TUBGCP5: variants seen among roughly 807,000 people sequenced by gnomAD.
TUBGCP5 encodes tubulin gamma complex component 5, also known as gamma-tubulin complex component 5.
TUBGCP5 carries 98 observed loss-of-function variants against 134.7 expected under a neutral mutation model. The observed-to-expected ratio is 0.73, with a 90% CI of 0.62 to 0.86. TUBGCP5 has a LOEUF of 0.86. Ranked by LOEUF, TUBGCP5 falls within the 40% of genes least tolerant of loss-of-function variation. The pLI is 0.00. For missense variants in TUBGCP5, 1,150 were observed against 1,244.8 expected, an observed-to-expected ratio of 0.92 and a Z score of 1.15; for synonymous variants, 456 against 431.4, an observed-to-expected ratio of 1.06 and a Z score of -0.71.
intron 22 of TUBGCP5, among the ~76,000 whole-genome samples, chr15:23,000,098 A>G (rs965906951): frequency 1.3e-5 from 2 of 151,994 alleles, no homozygotes; most frequent in Admixed American, 6.6e-5. Flanking sequence ...TTTAGCAGAG[A>G]CAGGGTTTTG....
intron 1 of TUBGCP5, 45 bp from the exon 2 acceptor site, chr15:23,037,197 G>C: frequency 1.3e-6 from 2 of 1,590,406 alleles, no homozygotes; most frequent in African/African-American, 1.3e-5. Context: ...CTGTCACACA[G>C]GTAAGTGAAC....
At chr15:23,010,155 C>CT (rs2064956254) in intron 14 of TUBGCP5, 22 bp from the exon 15 acceptor site, 6 of 1,601,742 alleles carry the variant, frequency 3.7e-6, no homozygotes, top group Non-Finnish European at 5.1e-6. Context: ...AAATGTGAGT[C>CT]TTCTTTTTAT....
At chr15:23,023,333 T>TG (rs2065812778) in intron 10 of TUBGCP5, 1 of 122,282 alleles carries the variant, frequency 8.2e-6, no homozygotes, top group African/African-American at 3.3e-5. Flanking sequence ...CCGTCTCAAA[T>TG]GAAAAAAAAA....
In TUBGCP5 at chr15:23,013,157, A is replaced by G. The variant is rs1412772174; in HGVS notation, c.1757-1826T>C. On this transcript the variant is annotated intron_variant, in intron 13 of 22. Transcript: ENST00000615383. The surrounding 1 kb of genome is among the most constrained non-coding windows in gnomAD (Gnocchi z 4.5). The stretch of plus-strand genomic sequence containing the variant: ...GGACCAAAGCAACGAATCAACAGTT[A>G]AGATCCGACTGGAGGCTGGGGGTGG... Among the ~76,000 whole-genome samples the G allele has an allele frequency of 6.6e-6, 1 of 152,024 alleles. No individual in the cohort carries two copies. Among genetic ancestry groups the G allele is most frequent in the Non-Finnish European group, 1.5e-5 (1 of 67,974 alleles).
chr15:23,029,130 A>G (rs997335237), intron 6 of TUBGCP5, among the ~76,000 whole-genome samples: 1 of 152,236 alleles, frequency 6.6e-6, no homozygotes, highest in Admixed American at 6.5e-5. Flanking sequence ...CGATAAATGT[A>G]GCTATTATTA....
chr15:22,985,294 C>T (rs1405971953), intron 23 of TUBGCP5, among the ~76,000 whole-genome samples: 1 of 152,100 alleles, frequency 6.6e-6, no homozygotes, highest in African/African-American at 2.4e-5. Flanking sequence ...TCTCTGCTCA[C>T]CACAACCTCC....
rs530674675 is a variant in TUBGCP5 at position 22,992,800 on chromosome 15, C to T, written c.*61+4045G>A. Among the ~76,000 whole-genome samples the T allele has an allele frequency of 3.3e-4, 50 of 152,248 alleles. 1 individual carries two copies. The South Asian group carries it at 6.7e-3, about 20-fold the overall frequency. ...AAAGTTTAGCCCTGCTGTTACCTGA[C>T]GTTACATGGATAGGACAGAATATAC... On this transcript the variant is annotated intron_variant and NMD_transcript_variant, in intron 23 of 23. Transcript: ENST00000614508.
chr15:22,999,081 C>T (rs886928369), downstream of TUBGCP5: 3 of 152,114 alleles, frequency 2.0e-5, no homozygotes, highest in Non-Finnish European at 4.4e-5. Flanking sequence ...ATTTCTAGGA[C>T]AGCTACATCT....
intron 23 of TUBGCP5, among the ~76,000 whole-genome samples, chr15:22,984,202 T>C (rs947194020): frequency 6.6e-5 from 10 of 152,198 alleles, no homozygotes; most frequent in African/African-American, 2.4e-4. Context: ...AAACAGCCAA[T>C]GAAGAATTAT....
rs1489740668 is a variant in TUBGCP5, at chr15:23,036,939, C to T, written c.267G>A (p.Glu89=). ...TGGGAAGTGGTGCATTTAGAAATTC[C>T]TCCGTTAATCTCTTCCAACTAGCAG... ...SKAASWKRLT[E]EFLNAPLPSI... is the part of the protein sequence containing the mutation. The change falls in exon 3 of 23, where the codon GAG becomes GAA. Residue 89 remains glutamate, a synonymous_variant. Coordinates refer to ENST00000615383, the MANE Select transcript of TUBGCP5 (RefSeq NM_052903.6). 3.7e-6 allele frequency: 6 copies of T among 1,612,576 alleles called. No individual in the cohort carries two copies. Among genetic ancestry groups the T allele is most frequent in the Non-Finnish European group, 5.1e-6 (6 of 1,179,312 alleles).
Position 23,036,427 on chromosome 15 carries a change from C to T in TUBGCP5, c.309+470G>A, listed in dbSNP as rs114615885. On this transcript the variant is annotated intron_variant, in intron 3 of 22. Coordinates refer to ENST00000615383, the MANE Select transcript of TUBGCP5 (RefSeq NM_052903.6). Reference sequence around the variant, plus strand: ...TCCCTTTGGTGATTTTAATCTGTATCCTTTCACTGTAATAAACTATTAACA... The same window carrying T: ...TCCCTTTGGTGATTTTAATCTGTATTCTTTCACTGTAATAAACTATTAACA... 9.5e-3 allele frequency among the ~76,000 whole-genome samples: 1,448 copies of T among 152,230 alleles called. 28 individuals carry two copies. Among genetic ancestry groups the T allele is most frequent in the African/African-American group, 0.033 (1,360 of 41,534 alleles).
intron 23 of TUBGCP5, among the ~76,000 whole-genome samples, chr15:22,989,185 T>C (rs1261012130): frequency 6.6e-6 from 1 of 152,164 alleles, no homozygotes; most frequent in Non-Finnish European, 1.5e-5. Flanking sequence ...ATTCTCCTCT[T>C]GCCATGTAAA....
Position 23,027,269 on chromosome 15 carries a change from C to A in TUBGCP5, c.660G>T (p.Val220=). ...GCCTGGCTGTCCAGTACTGATGGACCACATGATGTTCCAGCCAGCTTCGGT... is the reference window on the plus strand; with the variant it reads ...GCCTGGCTGTCCAGTACTGATGGACAACATGATGTTCCAGCCAGCTTCGGT... ...PDDRSWLEHH[V]VHQYWTARPS... is the part of the protein sequence containing the mutation. Residue 220 remains valine (V), a synonymous_variant, in exon 7 of 23, where the codon GTG becomes GTT. Transcript: ENST00000615383. The A allele has an allele frequency of 6.2e-7, 1 of 1,613,850 alleles. No individual in the cohort carries two copies. Among genetic ancestry groups the A allele is most frequent in the Non-Finnish European group, 8.5e-7 (1 of 1,179,900 alleles).
intron 23 of TUBGCP5, among the ~76,000 whole-genome samples, chr15:22,991,220 C>CT (rs1320450606): frequency 6.6e-6 from 1 of 151,980 alleles, no homozygotes; most frequent in East Asian, 1.9e-4. Context: ...GCCTCAGCCT[C>CT]TTGAGTAGCT....
At chr15:23,004,054 C>T (rs771851164) in intron 20 of TUBGCP5, 48 bp downstream of exon 20, 16 of 1,552,156 alleles carry the variant, frequency 1.0e-5, no homozygotes, top group Non-Finnish European at 1.3e-5. Context: ...ACGCAGACAG[C>T]GCCACTCGCC....
chr15:23,031,282 G>GGA lies in TUBGCP5; in HGVS notation c.487-263_487-262insTC, dbSNP rs1270900199. ...GTGGCAAAAAGTCCCAAGATCACAGGTCCTTAAGGGATACTTGTACTCACC... is the reference window on the plus strand; with the variant it reads ...GTGGCAAAAAGTCCCAAGATCACAGGGATCCTTAAGGGATACTTGTACTCACC... On this transcript the variant is annotated intron_variant, in intron 5 of 22. Coordinates refer to ENST00000615383, the MANE Select transcript of TUBGCP5 (RefSeq NM_052903.6). Among the ~76,000 whole-genome samples the GGA allele has an allele frequency of 1.3e-5, 2 of 151,452 alleles. 1 individual carries two copies. The highest frequency in any genetic ancestry group is 2.9e-5 in the Non-Finnish European group (2 of 67,898).
Position 23,022,168 on chromosome 15 carries a change from A to G in TUBGCP5, c.1169-7T>C. 6.2e-7 allele frequency: 1 copy of G among 1,613,448 alleles called. No individual in the cohort carries two copies. Among genetic ancestry groups the G allele is most frequent in the Non-Finnish European group, 8.5e-7 (1 of 1,179,328 alleles). On this transcript the variant is annotated splice_region_variant and splice_polypyrimidine_tract_variant and intron_variant, in intron 10 of 22. Coordinates refer to ENST00000615383, the MANE Select transcript of TUBGCP5 (RefSeq NM_052903.6). ...GCAAGAGTTATTGTAGTATCTGCAA[A>G]TATCAATAAATCAAACTCAACAGCA...
chr15:23,039,347 C>T (rs2140738319), intron 1 of TUBGCP5, 51 bp downstream of exon 1: 1 of 1,313,830 alleles, frequency 7.6e-7, no homozygotes, highest in Non-Finnish European at 9.8e-7. Flanking sequence ...GGGACCCACG[C>T]GCGGGCTCCG....
chr15:23,001,977 C>A (rs2064414063), intron 21 of TUBGCP5, among the ~76,000 whole-genome samples: 1 of 152,092 alleles, frequency 6.6e-6, no homozygotes, highest in Non-Finnish European at 1.5e-5. Flanking sequence ...AAGTCTCAAT[C>A]AGGAACAATT....
Sources: allele counts gnomAD v4.1 joint callset (sites outside exome capture counted in the v4.1 genomes callset), GRCh38; gene constraint gnomAD v4.1.1; non-coding constraint Gnocchi (gnomAD v3.1); transcripts MANE v1.5; gene names NCBI Gene and HGNC (gene_info 2026-07-23, HGNC 2026-07-21).